Variants in DTNB observed in about 807,000 individuals in gnomAD.
The protein encoded by DTNB is DTN-B.
DTNB carries 63 observed loss-of-function variants against 90.7 expected under a neutral mutation model. The observed-to-expected ratio is 0.69, with a 90% CI of 0.57 to 0.86. The LOEUF is 0.86. Ranked by LOEUF, DTNB falls within the 40% of genes least tolerant of loss-of-function variation. DTNB has a pLI of 0.00. For missense variants in DTNB, 744 were observed against 807.1 expected, an observed-to-expected ratio of 0.92 and a Z score of 0.95; for synonymous variants, 277 against 286.7, an observed-to-expected ratio of 0.97 and a Z score of 0.34.
chr2:25,415,667 T>C (rs143161484), intron 16 of DTNB, among the ~76,000 whole-genome samples: 229 of 152,132 alleles, frequency 1.5e-3, no homozygotes, highest in Admixed American at 3.6e-3. Flanking sequence ...ATTGAGTTAA[T>C]CACCAATGGC....
Position 25,634,858 on chromosome 2 carries a change from G to A in DTNB, c.148+4156C>T, listed in dbSNP as rs1409446704. On this transcript the variant is annotated intron_variant, in intron 3 of 20. Transcript: ENST00000406818. ...TTTGTTAAACAGATGCTTGAAGGCA[G>A]CATGCTCGTTAAAAGTCATCACCAC... 1.8e-5 allele frequency among the ~76,000 whole-genome samples: 2 copies of A among 109,064 alleles called. 1 individual carries two copies. Among genetic ancestry groups the A allele is most frequent in the Non-Finnish European group, 4.3e-5 (2 of 46,960 alleles). 71.6% of individuals were successfully genotyped at this position (109,064 alleles called of 152,430 possible).
chr2:25,666,207 C>T (rs114416276), intron 1 of DTNB, among the ~76,000 whole-genome samples: 2,859 of 152,160 alleles, frequency 0.019, 41 homozygotes, highest in Non-Finnish European at 0.029. Flanking sequence ...ACAAGTAAAT[C>T]ATATACATCT....
At chr2:25,619,561 AGGAAT>A (rs1250867250) in intron 4 of DTNB, among the ~76,000 whole-genome samples, 3 of 152,222 alleles carry the variant, frequency 2.0e-5, no homozygotes, top group Non-Finnish European at 1.5e-5. Flanking sequence ...ATACTAATTG[AGGAAT>A]GAAAGAAATA....
intron 12 of DTNB, among the ~76,000 whole-genome samples, chr2:25,446,144 T>C (rs1007477763): frequency 6.6e-6 from 1 of 152,194 alleles, no homozygotes; most frequent in Non-Finnish European, 1.5e-5. Flanking sequence ...ACAGTTCATC[T>C]AGTTCCTTTT....
chr2:25,619,513 A>G (rs1559261053), intron 4 of DTNB, among the ~76,000 whole-genome samples: 1 of 152,222 alleles, frequency 6.6e-6, no homozygotes, highest in South Asian at 2.1e-4. Flanking sequence ...GCTGCTTTTC[A>G]TTTCAATCTT....
intron 6 of DTNB, among the ~76,000 whole-genome samples, chr2:25,592,961 C>T (rs928338993): frequency 1.3e-5 from 2 of 152,158 alleles, no homozygotes; most frequent in Non-Finnish European, 2.9e-5. Context: ...ATACAACTTC[C>T]AAAATAGATC....
At position 25,641,026 on chromosome 2, in the gene DTNB, G is replaced by A. The variant is rs117351310; in HGVS notation, c.68-1932C>T. On this transcript the variant is annotated intron_variant, in intron 2 of 20. Coordinates refer to ENST00000406818, the MANE Select transcript of DTNB (RefSeq NM_021907.5). ...GTCCAAAGATAACTATAATACTTTC[G>A]GAAAATGATAAGCTCCATACGCTCC... Among the ~76,000 whole-genome samples the A allele has an allele frequency of 2.5e-3, 380 of 152,194 alleles. 9 individuals are homozygous for A. The East Asian group carries it at 0.046, about 18-fold the overall frequency.
At chr2:25,514,651 C>A (rs560329321) in intron 9 of DTNB, among the ~76,000 whole-genome samples, 1 of 148,648 alleles carries the variant, frequency 6.7e-6, no homozygotes, top group East Asian at 2.0e-4. Flanking sequence ...ATTGTAAGTT[C>A]ACATAAAAAG....
At chr2:25,489,248 A>G (rs2066858366) in intron 9 of DTNB, among the ~76,000 whole-genome samples, 2 of 152,196 alleles carry the variant, frequency 1.3e-5, no homozygotes, top group Admixed American at 1.3e-4. Context: ...TAGATAAATA[A>G]CTTGTACCTT....
intron 8 of DTNB, among the ~76,000 whole-genome samples, chr2:25,567,723 A>T (rs1219751580): frequency 2.6e-5 from 4 of 152,126 alleles, no homozygotes; most frequent in Admixed American, 2.6e-4. Flanking sequence ...ATCAATGGAC[A>T]TACAGAGTGA....
At chr2:25,617,891 A>G (rs777309220) in intron 4 of DTNB, among the ~76,000 whole-genome samples, 6 of 152,156 alleles carry the variant, frequency 3.9e-5, no homozygotes, top group Non-Finnish European at 5.9e-5. Flanking sequence ...AAAAAATTTA[A>G]AAAGAAACTT....
rs541471800 is a variant in DTNB, at chr2:25,501,456, C to T, written c.1002-18583G>A. 7.9e-5 allele frequency among the ~76,000 whole-genome samples: 12 copies of T among 152,138 alleles called. No homozygotes were observed. The South Asian group carries it at 1.7e-3, about 21-fold the overall frequency. ...ATGCAGTAGTCAGATCTCAGCTCAC[C>T]GCAATCTCCACCTCCCAGGCTTAAA... On this transcript the variant is annotated intron_variant, in intron 9 of 20. Transcript: ENST00000406818.
At chr2:25,558,030 C>T (rs1052970159) in intron 8 of DTNB, among the ~76,000 whole-genome samples, 5 of 152,042 alleles carry the variant, frequency 3.3e-5, no homozygotes, top group Non-Finnish European at 7.4e-5. Flanking sequence ...ATGTAAAAGC[C>T]GGAACTGTGA....
intron 15 of DTNB, among the ~76,000 whole-genome samples, chr2:25,419,903 G>C (rs897902485): frequency 4.6e-5 from 7 of 152,170 alleles, no homozygotes; most frequent in Non-Finnish European, 1.0e-4. Flanking sequence ...ACTTGAAATT[G>C]TAATAATAAT....
At chr2:25,478,374 T>G (rs1380411239) in intron 10 of DTNB, among the ~76,000 whole-genome samples, 3 of 152,114 alleles carry the variant, frequency 2.0e-5, no homozygotes, top group Non-Finnish European at 4.4e-5. Context: ...GATGGCTGCC[T>G]TATGTGAAGA....
intron 2 of DTNB, among the ~76,000 whole-genome samples, chr2:25,641,618 T>C (rs1055246289): frequency 6.6e-6 from 1 of 152,126 alleles, no homozygotes; most frequent in Non-Finnish European, 1.5e-5. Flanking sequence ...TTTGAGATAT[T>C]GGCCCAAAGC....
chr2:25,525,987 TC>T (rs2077017985), intron 9 of DTNB, among the ~76,000 whole-genome samples: 1 of 152,010 alleles, frequency 6.6e-6, no homozygotes, highest in Non-Finnish European at 1.5e-5. Context: ...AGATGACTAC[TC>T]CTTTCTAGGC....
intron 6 of DTNB, among the ~76,000 whole-genome samples, chr2:25,588,951 A>C (rs1309182671): frequency 6.6e-6 from 1 of 152,256 alleles, no homozygotes; most frequent in Non-Finnish European, 1.5e-5. Context: ...AATCTCCTTA[A>C]TTAGAATACC....
chr2:25,655,235 G>A (rs1276291355), intron 1 of DTNB, among the ~76,000 whole-genome samples: 2 of 152,162 alleles, frequency 1.3e-5, no homozygotes, highest in Non-Finnish European at 2.9e-5. Context: ...GGCCAGAAGC[G>A]GCTTTCTTCC....
Sources: allele counts gnomAD v4.1 joint callset (sites outside exome capture counted in the v4.1 genomes callset), GRCh38; gene constraint gnomAD v4.1.1; transcripts MANE v1.5; gene names NCBI Gene and HGNC (gene_info 2026-07-23, HGNC 2026-07-21).